Variants in FRMD5 observed in about 807,000 individuals in gnomAD.
FRMD5 encodes FERM domain containing 5, also known as FERM domain-containing protein 5.
A neutral mutation model predicts 69.0 loss-of-function variants in FRMD5; 20 were observed. The observed-to-expected ratio is 0.29, with a 90% CI of 0.20 to 0.42. FRMD5 has a LOEUF of 0.42. FRMD5 is among the 10% of genes least tolerant of loss of function. The pLI is 1.00. For synonymous variants in FRMD5, 271 were observed against 260.1 expected, an observed-to-expected ratio of 1.04 and a Z score of -0.40; for missense variants, 595 against 708.6, an observed-to-expected ratio of 0.84 and a Z score of 1.82.
chr15:44,117,104 T>TA (rs577483761), intron 1 of FRMD5, among the ~76,000 whole-genome samples: 1,864 of 135,810 alleles, frequency 0.014, 25 homozygotes, highest in African/African-American at 0.042. Flanking sequence ...GACTCCGTCT[T>TA]AAAAAAAAAA....
chr15:43,954,246 G>A (rs1385333701), intron 1 of FRMD5, among the ~76,000 whole-genome samples: 1 of 152,212 alleles, frequency 6.6e-6, no homozygotes, highest in African/African-American at 2.4e-5. Flanking sequence ...ACGTTCTTCT[G>A]GGCCAGAGAT....
chr15:44,082,599 A>G (rs560959867), intron 1 of FRMD5, among the ~76,000 whole-genome samples: 81 of 152,184 alleles, frequency 5.3e-4, no homozygotes, highest in African/African-American at 1.9e-3. Context: ...TTAAAAAATC[A>G]GTTTCCACAA....
intron 4 of FRMD5, 147 bp from the exon 5 acceptor site, chr15:43,910,126 A>G: frequency 1.9e-6 from 1 of 525,818 alleles, no homozygotes; most frequent in Non-Finnish European, 3.4e-6. Context: ...GAACAAATAC[A>G]TTCTCCATTT....
At chr15:43,985,198 G>A (rs932659782) in intron 1 of FRMD5, among the ~76,000 whole-genome samples, 1 of 143,024 alleles carries the variant, frequency 7.0e-6, no homozygotes, top group African/African-American at 2.5e-5. Flanking sequence ...GAAGAATGGC[G>A]TGAACCTGGG....
intron 1 of FRMD5, among the ~76,000 whole-genome samples, chr15:44,020,192 A>G (rs1891153324): frequency 1.3e-5 from 2 of 151,510 alleles, no homozygotes; most frequent in Non-Finnish European, 2.9e-5. Flanking sequence ...GTTGGAGTGC[A>G]GTGGTGCGAT....
At chr15:43,987,817 C>A (rs1344190885) in intron 1 of FRMD5, among the ~76,000 whole-genome samples, 1 of 152,164 alleles carries the variant, frequency 6.6e-6, no homozygotes, top group Admixed American at 6.5e-5. Context: ...TCCCAACATG[C>A]TGGGATTACA....
intron 4 of FRMD5, among the ~76,000 whole-genome samples, chr15:43,910,790 A>T (rs638224): frequency 0.27 from 41,672 of 152,140 alleles, 10,835 homozygotes; most frequent in African/African-American, 0.68. Flanking sequence ...ACATGCAATA[A>T]CTTATTTAAT....
At chr15:44,112,940 T>C (rs993193254) in intron 1 of FRMD5, among the ~76,000 whole-genome samples, 3 of 152,234 alleles carry the variant, frequency 2.0e-5, no homozygotes, top group Admixed American at 1.3e-4. Flanking sequence ...ATAAGTCTTC[T>C]ATTAAAATGA....
chr15:43,972,067 T>C (rs2090389322), intron 1 of FRMD5, among the ~76,000 whole-genome samples: 2 of 142,080 alleles, frequency 1.4e-5, no homozygotes. Context: ...TTTATATACT[T>C]ATATATAAAT....
intron 8 of FRMD5, among the ~76,000 whole-genome samples, chr15:43,889,083 A>G (rs2140366739): frequency 6.6e-6 from 1 of 152,306 alleles, no homozygotes; most frequent in Admixed American, 6.5e-5. Context: ...CAATCACACT[A>G]TAGTAATAGG....
At chr15:43,905,784 G>T in intron 6 of FRMD5, 44 bp downstream of exon 6, 7 of 1,611,216 alleles carry the variant, frequency 4.3e-6, no homozygotes, top group Non-Finnish European at 5.9e-6. Flanking sequence ...TGCTCAGGCT[G>T]TGGAGAAGCC....
intron 1 of FRMD5, among the ~76,000 whole-genome samples, chr15:44,146,680 T>C (rs1380855546): frequency 3.3e-5 from 5 of 152,212 alleles, no homozygotes; most frequent in South Asian, 2.1e-4. Flanking sequence ...CTTTTAATAA[T>C]TGCCATTCTG....
In FRMD5 at chr15:44,195,226, T is replaced by C. The variant is rs1191805814; in HGVS notation, c.-172A>G. On this transcript the variant is annotated 5_prime_UTR_variant, in exon 1 of 14. Coordinates refer to ENST00000417257, the MANE Select transcript of FRMD5 (RefSeq NM_032892.5). Reference sequence around the variant, plus strand: ...CCTCCTCCTTATCCTCCTCCTTCCCTCAGCCGCCACCGCCTCCCCCCAGCC... The same window carrying C: ...CCTCCTCCTTATCCTCCTCCTTCCCCCAGCCGCCACCGCCTCCCCCCAGCC... The C allele has an allele frequency of 1.8e-6, 1 of 541,302 alleles. No individual in the cohort carries two copies. The highest frequency in any genetic ancestry group is 3.2e-6 in the Non-Finnish European group (1 of 311,504). 33.5% of individuals were successfully genotyped at this position (541,302 alleles called of 1,614,324 possible). A position where few individuals can be genotyped will look rare whatever the true frequency, so the allele number is the denominator to read the frequency against.
intron 1 of FRMD5, among the ~76,000 whole-genome samples, chr15:44,025,223 T>C (rs1317975176): frequency 6.6e-6 from 1 of 151,960 alleles, no homozygotes; most frequent in Non-Finnish European, 1.5e-5. Context: ...TAGAACAAAA[T>C]ATCATTAAAA....
intron 1 of FRMD5, among the ~76,000 whole-genome samples, chr15:44,132,424 ATG>A (rs763058499): frequency 6.6e-6 from 1 of 151,936 alleles, no homozygotes; most frequent in African/African-American, 2.4e-5. Context: ...TACATTATGA[ATG>A]TGTGTGTGTG....
Position 43,875,363 on chromosome 15 carries a change from AATAT to A in FRMD5, c.1136-905_1136-902del, listed in dbSNP as rs749584177. Among the ~76,000 whole-genome samples the A allele has an allele frequency of 4.1e-3, 430 of 105,308 alleles. 23 individuals carry two copies. The highest frequency in any genetic ancestry group is 0.031 in the Middle Eastern group (6 of 196). The allele number at this position is 105,308 out of a possible 152,430, so 69.1% of individuals were successfully genotyped here. A position where few individuals can be genotyped will look rare whatever the true frequency, so the allele number is the denominator to read the frequency against. On this transcript the variant is annotated intron_variant, in intron 13 of 13. Coordinates refer to ENST00000417257, the MANE Select transcript of FRMD5 (RefSeq NM_032892.5). The stretch of plus-strand genomic sequence containing the variant: ...AAGACTGTCTCAAAAAAAAAAAAAA[AATAT>A]ATATATATATATATATATATATATA...
chr15:44,022,584 GAAAAAAAAA>G (rs5812262), intron 1 of FRMD5, among the ~76,000 whole-genome samples: 5 of 73,192 alleles, frequency 6.8e-5, no homozygotes, highest in African/African-American at 2.9e-4. Context: ...CACTCCACCA[GAAAAAAAAA>G]AAAAAAAAAA....
intron 1 of FRMD5, among the ~76,000 whole-genome samples, chr15:44,060,925 C>G (rs774019852): frequency 2.0e-5 from 3 of 152,152 alleles, no homozygotes; most frequent in Non-Finnish European, 2.9e-5. Flanking sequence ...CAGGAGGAAA[C>G]TGTTTCTTAT....
chr15:43,920,966 C>A (rs1337488893), intron 2 of FRMD5, among the ~76,000 whole-genome samples: 1 of 152,236 alleles, frequency 6.6e-6, no homozygotes, highest in African/African-American at 2.4e-5. Context: ...AATGGACCCA[C>A]TAAGAGCCAG....
Sources: gnomAD v4.1 joint callset for allele counts (sites outside exome capture counted in the v4.1 genomes callset) on GRCh38, gnomAD v4.1.1 for gene constraint, MANE v1.5 for transcripts, NCBI Gene and HGNC (gene_info 2026-07-23, HGNC 2026-07-21) for gene names.